The following DIS3L2 variants were observed in gnomAD, a reference collection of about 807,000 sequenced individuals.
DIS3L2 encodes DIS3 like 3'-5' exoribonuclease 2.
A neutral mutation model predicts 97.5 loss-of-function variants in DIS3L2; 34 were observed. The observed-to-expected ratio is 0.35, with a 90% confidence interval of 0.27 to 0.46. The LOEUF (loss-of-function observed/expected upper bound fraction) is 0.46. Among genes scored for constraint, DIS3L2 ranks in the 20% least tolerant of loss-of-function variants. The pLI is 1.00. For synonymous variants in DIS3L2, 435 were observed against 445.2 expected, an observed-to-expected ratio of 0.98 and a Z score of 0.29; for missense variants, 1,038 against 1,146.0, an observed-to-expected ratio of 0.91 and a Z score of 1.36.
chr2:232,109,962 A>G lies in DIS3L2; in HGVS notation c.602-20657A>G, dbSNP rs1424906418. On this transcript the variant is annotated intron_variant, in intron 6 of 20. Transcript: ENST00000325385. ...GAAATGTTTGCAAACTATCCATCTG[A>G]CAAAAGTCTAATATTTAGCATCTAT... Among the ~76,000 whole-genome samples, 4 of 152,346 alleles carry G rather than the reference A, an allele frequency of 2.6e-5. No homozygotes were observed. In the East Asian group the frequency reaches 7.7e-4, roughly 29 times the overall value.
chr2:232,287,332 A>G (rs1574995150), intron 13 of DIS3L2, among the ~76,000 whole-genome samples: 1 of 148,174 alleles, frequency 6.7e-6, no homozygotes, highest in Non-Finnish European at 1.5e-5. Flanking sequence ...CATAGTTAGC[A>G]TTACAAATAG....
intron 8 of DIS3L2, among the ~76,000 whole-genome samples, chr2:232,143,689 T>C (rs907432899): frequency 1.3e-5 from 2 of 152,124 alleles, no homozygotes; most frequent in Non-Finnish European, 2.9e-5. Flanking sequence ...ACAAAGCATA[T>C]TTCACAGGAA....
intron 12 of DIS3L2, among the ~76,000 whole-genome samples, chr2:232,256,657 C>A (rs903522645): frequency 6.6e-6 from 1 of 152,172 alleles, no homozygotes; most frequent in African/African-American, 2.4e-5. Context: ...ATTCCTCCTT[C>A]TTGGAAACGA....
Position 232,107,649 on chromosome 2 carries a change from A to C in DIS3L2, c.601+19928A>C, listed in dbSNP as rs535488523. Among the ~76,000 whole-genome samples, 3 of 152,318 alleles carry C rather than the reference A, an allele frequency of 2.0e-5. No individual in the cohort carries two copies. The South Asian group carries it at 6.2e-4, about 32-fold the overall frequency. ...AGGAGGTGTAGGATACAGTGAGCCG[A>C]GGTCTCGCCACTGCACTCCAGCCTG... On this transcript the variant is annotated intron_variant, in intron 6 of 20. Coordinates refer to ENST00000325385, the MANE Select transcript of DIS3L2 (RefSeq NM_152383.5).
chr2:231,995,941 C>T (rs1412944288), intron 1 of DIS3L2, among the ~76,000 whole-genome samples: 10 of 152,136 alleles, frequency 6.6e-5, no homozygotes, highest in Admixed American at 6.5e-4. Flanking sequence ...TCATTTGGGA[C>T]AAAAGTTCTT....
At position 232,043,921 on chromosome 2, in the gene DIS3L2, A is replaced by G. The variant is rs1695172371; in HGVS notation, c.366+13841A>G. Among the ~76,000 whole-genome samples, 9 of 152,198 alleles carry G rather than the reference A, an allele frequency of 5.9e-5. No individual in the cohort carries two copies. The South Asian group carries it at 1.9e-3, about 31-fold the overall frequency. On this transcript the variant is annotated intron_variant, in intron 5 of 20. Transcript: ENST00000325385. ...ATAGATTTCTCTTATGTCTTATAGA[A>G]CTAGTAATGATTTAGGGCATATACA...
chr2:232,066,220 T>C (rs1695852651), intron 5 of DIS3L2, among the ~76,000 whole-genome samples: 1 of 151,984 alleles, frequency 6.6e-6, no homozygotes, highest in Non-Finnish European at 1.5e-5. Flanking sequence ...GTTCTTGATC[T>C]TATGAGGAAA....
intron 1 of DIS3L2, among the ~76,000 whole-genome samples, chr2:232,000,662 CT>C (rs1318408241): frequency 2.7e-3 from 250 of 92,834 alleles, no homozygotes; most frequent in African/African-American, 3.5e-3. Context: ...CCTTTCCTTT[CT>C]CTTTCTCTCT....
intron 6 of DIS3L2, among the ~76,000 whole-genome samples, chr2:232,115,297 AT>A (rs200368820): frequency 6.6e-6 from 1 of 151,956 alleles, no homozygotes; most frequent in Admixed American, 6.6e-5. Flanking sequence ...GTGATTGAAG[AT>A]TTTTTTAAAA....
chr2:232,176,545 A>C (rs1161696057), intron 9 of DIS3L2, among the ~76,000 whole-genome samples: 1 of 148,286 alleles, frequency 6.7e-6, no homozygotes, highest in Non-Finnish European at 1.5e-5. Context: ...TTGGTTTCTT[A>C]AGGTGGAAGT....
chr2:231,982,984 G>A (rs1465283353), intron 1 of DIS3L2, among the ~76,000 whole-genome samples: 18 of 151,974 alleles, frequency 1.2e-4, no homozygotes, highest in Admixed American at 1.2e-3. Flanking sequence ...CCAGCCTCAA[G>A]CATCTTTTAA....
intron 13 of DIS3L2, among the ~76,000 whole-genome samples, chr2:232,280,603 C>A (rs909729248): frequency 6.6e-6 from 1 of 152,126 alleles, no homozygotes; most frequent in Admixed American, 6.5e-5. Context: ...ATGGAGTTTT[C>A]CTCAGAACAG....
At chr2:232,300,185 T>C (rs1193416256) in intron 14 of DIS3L2, 66 bp downstream of exon 14, 2 of 1,476,840 alleles carry the variant, frequency 1.4e-6, no homozygotes, top group African/African-American at 1.4e-5. Flanking sequence ...GTGGGCTTTC[T>C]GACACTGAGC....
intron 3 of DIS3L2, among the ~76,000 whole-genome samples, chr2:232,018,906 CA>C (rs1304191581): frequency 1.3e-5 from 2 of 151,990 alleles, no homozygotes; most frequent in Non-Finnish European, 2.9e-5. Context: ...ATTCTCACAT[CA>C]AAAAATGTAT....
At chr2:232,000,725 CTT>C (rs35247478) in intron 1 of DIS3L2, among the ~76,000 whole-genome samples, 19 of 91,128 alleles carry the variant, frequency 2.1e-4, no homozygotes, top group South Asian at 3.8e-4. Flanking sequence ...TCTTCTTCTT[CTT>C]TTTTTTTTTT....
At chr2:231,998,161 G>A (rs558850469) in intron 1 of DIS3L2, among the ~76,000 whole-genome samples, 2 of 152,292 alleles carry the variant, frequency 1.3e-5, no homozygotes, top group South Asian at 4.1e-4. Context: ...CACAAACTGG[G>A]TAATTTAAGG....
chr2:232,097,752 G>A (rs748473961), intron 6 of DIS3L2, among the ~76,000 whole-genome samples: 3 of 152,164 alleles, frequency 2.0e-5, no homozygotes, highest in Non-Finnish European at 2.9e-5. Context: ...CCCTGAGGCC[G>A]AGCTGGTACC....
intron 9 of DIS3L2, among the ~76,000 whole-genome samples, chr2:232,190,580 AAG>A (rs996668417): frequency 2.0e-5 from 3 of 151,926 alleles, no homozygotes; most frequent in South Asian, 2.1e-4. Context: ...AGAGAGAAAG[AAG>A]AGAGAGAGAG....
chr2:231,971,865 G>A (rs1278145277), intron 1 of DIS3L2, among the ~76,000 whole-genome samples: 1 of 148,932 alleles, frequency 6.7e-6, no homozygotes, highest in Non-Finnish European at 1.5e-5. Context: ...ACAGGTGTGA[G>A]CCACCACGCC....
Sources: allele counts gnomAD v4.1 joint callset (sites outside exome capture counted in the v4.1 genomes callset), GRCh38; gene constraint gnomAD v4.1.1; transcripts MANE v1.5; gene names NCBI Gene and HGNC (gene_info 2026-07-23, HGNC 2026-07-21).